Variants in MPND observed in about 807,000 individuals in gnomAD.
The protein encoded by MPND is MPN domain-containing protein.
In MPND, 56 loss-of-function variants were observed where a neutral mutation model predicts 59.2. That is an observed-to-expected ratio of 0.95 (90% CI 0.76 to 1.18). The LOEUF (loss-of-function observed/expected upper bound fraction) is 1.18, where lower values mean the gene tolerates loss of function less well. Ranked by LOEUF, MPND falls within the 50% of genes most tolerant of loss-of-function variation. MPND has a pLI of 0.00. For synonymous variants in MPND, 323 were observed against 291.9 expected (o/e 1.11, Z -1.09); for missense variants, 671 against 676.0 (o/e 0.99, Z 0.08).
Position 4,357,160 on chromosome 19 carries a change from C to T in MPND, c.997-93C>T, listed in dbSNP as rs550864701. On this transcript the variant is annotated intron_variant, in intron 8 of 12. Coordinates refer to ENST00000599840, the MANE Select transcript of MPND (RefSeq NM_001300862.2). Reference sequence around the variant, plus strand: ...CATCACTGTGTCCCCAGGCCTGATACACAGCAGGAATTCGTTCAGGGCTGG... The same window carrying T: ...CATCACTGTGTCCCCAGGCCTGATATACAGCAGGAATTCGTTCAGGGCTGG... The T allele has an allele frequency of 1.9e-5, 26 of 1,392,270 alleles. No homozygotes were observed. In the Admixed American group the frequency reaches 5.3e-4, roughly 28 times the overall value. 86.2% of individuals were successfully genotyped at this position (1,392,270 alleles called of 1,614,324 possible).
chr19:4,346,452 C>A (rs1412605269), intron 3 of MPND, among the ~76,000 whole-genome samples: 2 of 152,022 alleles, frequency 1.3e-5, no homozygotes, highest in Admixed American at 6.6e-5. Context: ...GGGTCTCACT[C>A]TGTGGCCCAG....
chr19:4,354,061 G>A lies in MPND; in HGVS notation c.681G>A (p.Gly227=). The A allele has an allele frequency of 6.2e-7, 1 of 1,613,386 alleles. No individual in the cohort carries two copies. Among genetic ancestry groups the A allele is most frequent in the Non-Finnish European group, 8.5e-7 (1 of 1,179,404 alleles). The change falls in exon 5 of 13, where the codon GGG becomes GGA. Residue 227 remains glycine (G), a synonymous_variant. Transcript: ENST00000599840. ...CTCTCCCAGAGGCCACAACCCCAGG[G>A]AAGCGGGTGGACAGCAAGATCCGGG... ...EPAHPEATTP[G]KRVDSKIRVP...
At chr19:4,356,922 G>A (rs1445693881) in intron 8 of MPND, 1 of 226,146 alleles carries the variant, frequency 4.4e-6, no homozygotes, top group African/African-American at 2.3e-5. Flanking sequence ...TTATAGGCGT[G>A]AGCCACTGCT....
At chr19:4,347,981 T>G (rs1972224212) in intron 3 of MPND, 1 of 154,602 alleles carries the variant, frequency 6.5e-6, no homozygotes, top group Admixed American at 6.6e-5. Flanking sequence ...AACCTCTGCC[T>G]CCCGGGTTCA....
intron 3 of MPND, 137 bp from the exon 4 acceptor site, chr19:4,352,760 C>G: frequency 1.3e-6 from 1 of 777,296 alleles, no homozygotes; most frequent in African/African-American, 1.8e-5. Context: ...CTTCTCTGCT[C>G]CCTCCCTCCC....
In MPND at chr19:4,350,435, T is replaced by C. The variant is rs114249371; in HGVS notation, c.532-2462T>C. Reference sequence around the variant, plus strand: ...CTCACAGGCGTTCTCTGGTGGCTGCTGTGGGGACTAGACTGTCGGGGGTTA... The same window carrying C: ...CTCACAGGCGTTCTCTGGTGGCTGCCGTGGGGACTAGACTGTCGGGGGTTA... On this transcript the variant is annotated intron_variant, in intron 3 of 12. Transcript: ENST00000599840. Among the ~76,000 whole-genome samples the C allele has an allele frequency of 1.0e-2, 1,516 of 151,958 alleles. 27 individuals are homozygous for C. The highest frequency in any genetic ancestry group is 0.034 in the African/African-American group (1,416 of 41,442).
chr19:4,350,424 C>G (rs1399983070), intron 3 of MPND, among the ~76,000 whole-genome samples: 1 of 152,020 alleles, frequency 6.6e-6, no homozygotes, highest in Admixed American at 6.6e-5. Flanking sequence ...CAGGCGTTCT[C>G]TGGTGGCTGC....
intron 2 of MPND, among the ~76,000 whole-genome samples, chr19:4,344,779 C>T (rs963782559): frequency 1.4e-5 from 2 of 142,856 alleles, no homozygotes; most frequent in Non-Finnish European, 3.0e-5. Context: ...CGCTTTTTTG[C>T]CCAGGCTGGA....
chr19:4,346,443 G>A (rs1972187973), intron 3 of MPND, among the ~76,000 whole-genome samples: 1 of 151,672 alleles, frequency 6.6e-6, no homozygotes, highest in African/African-American at 2.4e-5. Flanking sequence ...TTTGAGACAG[G>A]GTCTCACTCT....
At chr19:4,356,952 T>G (rs1306939136) in intron 8 of MPND, 2 of 284,842 alleles carry the variant, frequency 7.0e-6, no homozygotes, top group Non-Finnish European at 1.3e-5. Flanking sequence ...GTTTTAACTG[T>G]TTGTTGAGTG....
At position 4,356,751 on chromosome 19, in the gene MPND, G is replaced by T. The variant is rs62129345; in HGVS notation, c.997-502G>T. The T allele has an allele frequency of 5.0e-3, 758 of 151,722 alleles. 7 individuals are homozygous for T. The highest frequency in any genetic ancestry group is 0.028 in the South Asian group (133 of 4,730). The allele number at this position is 151,722 out of a possible 1,614,324, so 9.4% of individuals were successfully genotyped here. A position where few individuals can be genotyped will look rare whatever the true frequency, so the allele number is the denominator to read the frequency against. ...AGCTGCCCAGGTTCAACATCCTCCT[G>T]CCTCAGCCTCCATAGTAGATGGGAG... On this transcript the variant is annotated intron_variant, in intron 8 of 12. Coordinates refer to ENST00000599840, the MANE Select transcript of MPND (RefSeq NM_001300862.2).
chr19:4,350,458 T>A (rs1474950579), intron 3 of MPND, among the ~76,000 whole-genome samples: 1 of 150,826 alleles, frequency 6.6e-6, no homozygotes, highest in African/African-American at 2.4e-5. Flanking sequence ...CTGTCGGGGG[T>A]TAGGGTGGGA....
intron 6 of MPND, 62 bp from the exon 7 acceptor site, chr19:4,354,887 G>A: frequency 6.8e-7 from 1 of 1,476,714 alleles, no homozygotes; most frequent in Non-Finnish European, 9.2e-7. Flanking sequence ...GCACAGGCTG[G>A]CTCCAGTGTT....
rs536080903 is a variant in MPND at position 4,358,888 on chromosome 19, G to A, written c.1327-275G>A. Reference sequence around the variant, plus strand: ...CGAACCAGGGGGCCACGTCAGGCCCGCGTGGTTCTGGAGAACTGGGCTCGG... The same window carrying A: ...CGAACCAGGGGGCCACGTCAGGCCCACGTGGTTCTGGAGAACTGGGCTCGG... On this transcript the variant is annotated intron_variant, in intron 11 of 12. Coordinates refer to ENST00000599840, the MANE Select transcript of MPND (RefSeq NM_001300862.2). Among the ~76,000 whole-genome samples the A allele has an allele frequency of 4.6e-5, 7 of 152,268 alleles. No individual in the cohort carries two copies. The South Asian group carries it at 8.4e-4, about 18-fold the overall frequency.
chr19:4,353,836 T>G (rs1276506315), intron 4 of MPND: 4 of 507,840 alleles, frequency 7.9e-6, no homozygotes, highest in Admixed American at 3.5e-5. Flanking sequence ...GAAAAAAAAT[T>G]TCTTCTTTGT....
At chr19:4,355,704 C>T (rs546598050) in intron 8 of MPND, among the ~76,000 whole-genome samples, 3 of 151,838 alleles carry the variant, frequency 2.0e-5, no homozygotes, top group Admixed American at 6.6e-5. Flanking sequence ...CTCTTTACCT[C>T]GTGATCCGCC....
chr19:4,344,890 CCA>C (rs1179008225), intron 2 of MPND, among the ~76,000 whole-genome samples: 1 of 150,196 alleles, frequency 6.7e-6, no homozygotes, highest in Non-Finnish European at 1.5e-5. Context: ...GTATGCGCCA[CCA>C]CGCCTGGCTA....
At chr19:4,359,062 G>T (rs1972513830) in intron 11 of MPND, 101 bp from the exon 12 acceptor site, 6 of 751,536 alleles carry the variant, frequency 8.0e-6, no homozygotes, top group African/African-American at 1.7e-5. Context: ...TTAGTGATGG[G>T]GTCATGTCTC....
rs980684613 is a variant in MPND at position 4,343,856 on chromosome 19, A to AGGC, written c.168_170dup (p.Gly57dup). ...GCGGCGGCAGTAGCGTCAGCGGAGGAGGCGGCGGCGGCGGGGCCGGGGCGG... is the reference window on the plus strand; with the variant it reads ...GCGGCGGCAGTAGCGTCAGCGGAGGAGGCGGCGGCGGCGGCGGGGCCGGGGCGG... On this transcript the variant is annotated inframe_insertion, in exon 2 of 13. Transcript: ENST00000599840. 7.4e-5 allele frequency: 86 copies of AGGC among 1,161,988 alleles called. No homozygotes were observed. The highest frequency in any genetic ancestry group is 1.9e-4 in the Admixed American group (4 of 21,002). The allele number at this position is 1,161,988 out of a possible 1,614,324, so 72.0% of individuals were successfully genotyped here.
Sources: gnomAD v4.1 joint callset for allele counts (sites outside exome capture counted in the v4.1 genomes callset) on GRCh38, gnomAD v4.1.1 for gene constraint, MANE v1.5 for transcripts, NCBI Gene and HGNC (gene_info 2026-07-23, HGNC 2026-07-21) for gene names.